COX10: variants seen among roughly 807,000 people sequenced by gnomAD.
The protein encoded by COX10 is protoheme IX farnesyltransferase, mitochondrial.
Under a neutral mutation model 37.3 loss-of-function variants are expected in COX10, and 27 were observed. The ratio of observed to expected loss-of-function variants is 0.72; its 90% CI spans 0.53 to 1.00. The LOEUF (loss-of-function observed/expected upper bound fraction) is 1.00, where lower values mean the gene tolerates loss of function less well. Ranked by LOEUF, COX10 falls within the 50% of genes least tolerant of loss-of-function variation. The probability of loss-of-function intolerance (pLI) is 0.00; values close to 1 mark genes in which losing one functional copy is unlikely to be tolerated. For missense variants in COX10, 475 were observed against 563.2 expected (o/e 0.84, Z 1.59); for synonymous variants, 222 against 229.1 (o/e 0.97, Z 0.28).
At chr17:14,074,277 A>G (rs1915094246) in intron 1 of COX10, 46 bp from the exon 2 acceptor site, 2 of 1,612,672 alleles carry the variant, frequency 1.2e-6, no homozygotes, top group African/African-American at 1.3e-5. Context: ...ATTTGATAAG[A>G]AGTACGAATC....
chr17:14,146,984 C>T (rs1267441788), intron 4 of COX10, among the ~76,000 whole-genome samples: 1 of 152,044 alleles, frequency 6.6e-6, no homozygotes, highest in Non-Finnish European at 1.5e-5. Context: ...TATCCAAAGG[C>T]AGGCAATAAC....
At chr17:14,094,353 C>T (rs1915597398) in intron 3 of COX10, among the ~76,000 whole-genome samples, 1 of 151,318 alleles carries the variant, frequency 6.6e-6, no homozygotes. Context: ...TTCATGTATT[C>T]TTACACTGAT....
chr17:14,125,589 C>A (rs1293353721), intron 4 of COX10, among the ~76,000 whole-genome samples: 2 of 152,066 alleles, frequency 1.3e-5, no homozygotes, highest in African/African-American at 4.8e-5. Context: ...AAGAACTAAA[C>A]CAGGACTCCT....
At chr17:14,102,060 C>A in intron 3 of COX10, 58 bp from the exon 4 acceptor site, 1 of 1,611,322 alleles carries the variant, frequency 6.2e-7, no homozygotes, top group Admixed American at 1.7e-5. Flanking sequence ...GTCGTTCTGG[C>A]CTTTACAGTT....
chr17:14,152,413 TG>T (rs1265226149), intron 4 of COX10, among the ~76,000 whole-genome samples: 6 of 152,110 alleles, frequency 3.9e-5, no homozygotes, highest in Non-Finnish European at 7.4e-5. Flanking sequence ...AAGAACAGTA[TG>T]GGGGAAACCG....
intron 5 of COX10, among the ~76,000 whole-genome samples, chr17:14,163,741 C>T (rs1281858027): frequency 6.6e-6 from 1 of 152,164 alleles, no homozygotes; most frequent in Non-Finnish European, 1.5e-5. Context: ...TTGTGAAAGT[C>T]GGCCTGCTCT....
At chr17:14,102,328 C>G in intron 4 of COX10, 86 bp downstream of exon 4, 8 of 1,522,790 alleles carry the variant, frequency 5.3e-6, no homozygotes, top group Non-Finnish European at 7.1e-6. Context: ...ACCTTCCAAA[C>G]TCATATATTG....
chr17:14,084,893 C>T (rs1001165788), intron 3 of COX10, among the ~76,000 whole-genome samples: 3 of 152,150 alleles, frequency 2.0e-5, no homozygotes, highest in Admixed American at 2.0e-4. Flanking sequence ...CTCCTGACCT[C>T]AGGTGATCCA....
At chr17:14,201,205 A>C (rs569420276) in intron 6 of COX10, among the ~76,000 whole-genome samples, 1 of 152,354 alleles carries the variant, frequency 6.6e-6, no homozygotes, top group African/African-American at 2.4e-5. Context: ...TGTTTACTCC[A>C]CAAGGAAGGT....
rs552965087 is a variant in COX10 at position 14,160,091 on chromosome 17, C to T, written c.695+144C>T. The T allele has an allele frequency of 9.3e-6, 7 of 755,396 alleles. No homozygotes were observed. In the Admixed American group the frequency reaches 1.5e-4, roughly 16 times the overall value. The allele number at this position is 755,396 out of a possible 1,614,324, so 46.8% of individuals were successfully genotyped here. The stretch of plus-strand genomic sequence containing the variant: ...AACAAAGTGATATGGAAATGCAATA[C>T]TTTCCACCTCTAACCAAAGTGTGTT... On this transcript the variant is annotated intron_variant, in intron 5 of 6. Coordinates refer to ENST00000261643, the MANE Select transcript of COX10 (RefSeq NM_001303.4).
intron 4 of COX10, among the ~76,000 whole-genome samples, chr17:14,135,365 G>A (rs1335188585): frequency 4.0e-5 from 6 of 151,778 alleles, no homozygotes; most frequent in Non-Finnish European, 8.8e-5. Flanking sequence ...TTTATTATTA[G>A]TTTAGCAAGC....
chr17:14,074,992 A>G (rs1915108034), intron 2 of COX10, among the ~76,000 whole-genome samples: 1 of 152,194 alleles, frequency 6.6e-6, no homozygotes, highest in South Asian at 2.1e-4. Flanking sequence ...TGTGGGCAAT[A>G]TGGAACTTAC....
chr17:14,117,997 C>T (rs1174986357), intron 4 of COX10, among the ~76,000 whole-genome samples: 1 of 152,036 alleles, frequency 6.6e-6, no homozygotes, highest in Non-Finnish European at 1.5e-5. Flanking sequence ...CCTAGCTGGA[C>T]TCTCCTCTGA....
At chr17:14,076,111 C>CTTTTTTTTTTTT (rs376434284) in intron 2 of COX10, among the ~76,000 whole-genome samples, 116 of 103,244 alleles carry the variant, frequency 1.1e-3, no homozygotes, top group Non-Finnish European at 1.4e-3. Context: ...TCTTTTTTGT[C>CTTTTTTTTTTTT]TTTTTTTTTT....
At chr17:14,126,560 A>G (rs1460666473) in intron 4 of COX10, among the ~76,000 whole-genome samples, 1 of 152,156 alleles carries the variant, frequency 6.6e-6, no homozygotes, top group East Asian at 1.9e-4. Flanking sequence ...AGTTTTATGC[A>G]TATACATTTT....
At chr17:14,182,844 A>G (rs977046749) in intron 5 of COX10, among the ~76,000 whole-genome samples, 4 of 150,702 alleles carry the variant, frequency 2.7e-5, no homozygotes, top group Non-Finnish European at 5.9e-5. Context: ...TCTCTGAGAC[A>G]TTACTTAACA....
chr17:14,108,677 A>C (rs201187416), intron 4 of COX10, among the ~76,000 whole-genome samples: 1 of 36 alleles, frequency 0.028, no homozygotes, highest in Non-Finnish European at 0.062. Context: ...GAAATAAGGT[A>C]AAAAAAGAAG....
chr17:14,076,782 G>A lies in COX10; in HGVS notation c.225G>A (p.Lys75=), dbSNP rs1419319441. ...GCCACAACCAGCAAGTAAGACCCAA[G>A]CCAGAACCAGTAGCATCTCCTTTCC... is the stretch of plus-strand genomic sequence containing the variant. ...NRSHNQQVRP[K]PEPVASPFLE... Residue 75 remains lysine (K), a synonymous_variant, in exon 3 of 7, where the codon AAG becomes AAA. Coordinates refer to ENST00000261643, the MANE Select transcript of COX10 (RefSeq NM_001303.4). The A allele has an allele frequency of 1.2e-6, 2 of 1,614,000 alleles. No individual in the cohort carries two copies. The highest frequency in any genetic ancestry group is 4.5e-5 in the East Asian group (2 of 44,884).
intron 4 of COX10, among the ~76,000 whole-genome samples, chr17:14,158,227 G>A (rs780987363): frequency 6.6e-6 from 1 of 151,320 alleles, no homozygotes; most frequent in Admixed American, 6.6e-5. Flanking sequence ...GGAATACTAA[G>A]ACATCGTAAA....
Sources: gnomAD v4.1 joint callset for allele counts (sites outside exome capture counted in the v4.1 genomes callset) on GRCh38, gnomAD v4.1.1 for gene constraint, MANE v1.5 for transcripts, NCBI Gene and HGNC (gene_info 2026-07-23, HGNC 2026-07-21) for gene names.